The following UCKL1 variants were observed in gnomAD, a reference collection of about 807,000 sequenced individuals.
UCKL1 encodes uridine-cytidine kinase-like 1.
A neutral mutation model predicts 59.2 loss-of-function variants in UCKL1; 65 were observed. The ratio of observed to expected loss-of-function variants is 1.10; its 90% CI spans 0.90 to 1.35. UCKL1 has a LOEUF of 1.35. UCKL1 is among the 40% of genes most tolerant of loss of function. UCKL1 has a pLI of 0.00. For missense variants in UCKL1, 703 were observed against 784.3 expected, an observed-to-expected ratio of 0.90 and a Z score of 1.24; for synonymous variants, 410 against 323.1, an observed-to-expected ratio of 1.27 and a Z score of -2.88.
chr20:63,940,063 AAGGG>A lies in UCKL1; in HGVS notation c.1568-12_1568-9del, dbSNP rs1277650922. 14 of 1,194,652 alleles carry A rather than the reference AAGGG, an allele frequency of 1.2e-5. No homozygotes were observed. Among genetic ancestry groups the A allele is most frequent in the East Asian group, 3.0e-5 (1 of 33,098 alleles). 74.0% of individuals were successfully genotyped at this position (1,194,652 alleles called of 1,614,324 possible). ...AGCGGTCGCCAAAGTTCCCTGGAAAAAGGGGGGGGGGGGTCCAGTGTGGTGGGGC... is the reference window on the plus strand; with the variant it reads ...AGCGGTCGCCAAAGTTCCCTGGAAAAGGGGGGGGGTCCAGTGTGGTGGGGC... On this transcript the variant is annotated splice_polypyrimidine_tract_variant and intron_variant, in intron 14 of 14. Transcript: ENST00000354216.
At chr20:63,952,784 C>A (rs909327564) in intron 1 of UCKL1, among the ~76,000 whole-genome samples, 2 of 152,238 alleles carry the variant, frequency 1.3e-5, no homozygotes, top group African/African-American at 4.8e-5. Context: ...CCATCCTACT[C>A]TGGGCCACAG....
chr20:63,943,998 G>A (rs1176710980), intron 7 of UCKL1, among the ~76,000 whole-genome samples: 1 of 152,222 alleles, frequency 6.6e-6, no homozygotes, highest in Admixed American at 6.5e-5. Flanking sequence ...CCTCTGGTGG[G>A]GGTGTCGCTC....
chr20:63,948,956 G>A lies in UCKL1; in HGVS notation c.114-2313C>T, dbSNP rs552544869. Among the ~76,000 whole-genome samples, 60 of 146,200 alleles carry A rather than the reference G, an allele frequency of 4.1e-4. 1 individual carries two copies. The South Asian group carries it at 0.013, about 30-fold the overall frequency. ...ACCCACAGCCAGGAGGACAGTGTCC[G>A]TGTGCACACACAGGGGGCAGTGGAA... On this transcript the variant is annotated intron_variant, in intron 1 of 14. Transcript: ENST00000354216.
At position 63,945,919 on chromosome 20, in the gene UCKL1, G is replaced by A. The variant is rs1444616560; in HGVS notation, c.468C>T (p.His156=). The part of the protein sequence containing the change: ...QAAHNNFNFD[H]PDAFDFDLII... ...TGAGGTCGAAGTCAAAGGCATCTGG[G>A]TGGTCGAAGTTGAAGTTGTTGTGTG... Residue 156 remains histidine (H), a synonymous_variant, in exon 4 of 15, where the codon CAC becomes CAT. Transcript: ENST00000354216. 3 of 1,613,784 alleles carry A rather than the reference G, an allele frequency of 1.9e-6. No individual in the cohort carries two copies. The highest frequency in any genetic ancestry group is 3.3e-5 in the Admixed American group (2 of 60,004).
rs1397854783 is a variant in UCKL1, at chr20:63,940,837, G to A, written c.1136C>T (p.Pro379Leu). The change falls in exon 11 of 15, where the codon CCG becomes CTG. Residue 379 changes from proline (P) to leucine (L), a missense_variant. Physicochemically the swap from Pro to Leu is moderately conservative, Grantham distance 98. Around this residue, in one of 4 missense-constraint regions of UCKL1, gnomAD observed 156 missense variants for 185.6 expected, o/e 0.84. Coordinates refer to ENST00000354216, the MANE Select transcript of UCKL1 (RefSeq NM_017859.4). ...LPFQDCVVQT[P>L]QGQDYAGKCY... is the part of the protein sequence containing the mutation. ...CTTGCCCGCATAGTCCTGCCCCTGC[G>A]GGGTCTGTACGACGCAGTCCTGTGG... 10 of 1,560,708 alleles carry A rather than the reference G, an allele frequency of 6.4e-6. No homozygotes were observed. Among genetic ancestry groups the A allele is most frequent in the South Asian group, 1.2e-5 (1 of 82,704 alleles).
rs1047991180 is a variant in UCKL1, at chr20:63,944,597, G to A, written c.792C>T (p.Phe264=). ...GCATGGTGGGCTGGATGTACTGGTC[G>A]AAGGAGGGCTTGACAAACTTGTTGT... The part of the protein sequence containing the change: ...KQYNKFVKPS[F]DQYIQPTMRL... Residue 264 remains phenylalanine (F), a synonymous_variant, in exon 6 of 15, where the codon TTC becomes TTT. Transcript: ENST00000354216. 1.9e-6 allele frequency: 3 copies of A among 1,613,112 alleles called. No homozygotes were observed. The highest frequency in any genetic ancestry group is 1.7e-6 in the Non-Finnish European group (2 of 1,179,878).
intron 3 of UCKL1, 40 bp downstream of exon 3, chr20:63,946,121 A>T: frequency 6.2e-7 from 1 of 1,608,958 alleles, no homozygotes; most frequent in Non-Finnish European, 8.5e-7. Context: ...GGTCAGGGAG[A>T]GGACAAAGGG....
intron 1 of UCKL1, among the ~76,000 whole-genome samples, chr20:63,947,919 G>T (rs373041726): frequency 6.6e-6 from 1 of 152,230 alleles, no homozygotes; most frequent in African/African-American, 2.4e-5. Context: ...AAGTGGGCAG[G>T]GGGCCGTGAC....
intron 1 of UCKL1, among the ~76,000 whole-genome samples, chr20:63,948,633 A>G (rs73916673): frequency 1.1e-3 from 4 of 3,536 alleles, no homozygotes; most frequent in Non-Finnish European, 1.6e-3. Flanking sequence ...TGTGAGAGGG[A>G]AGGGGCGTGT....
chr20:63,941,000 T>C lies in UCKL1; in HGVS notation c.1066A>G (p.Arg356Gly). 1 of 1,544,034 alleles carries C rather than the reference T, an allele frequency of 6.5e-7. No individual in the cohort carries two copies. Among genetic ancestry groups the C allele is most frequent in the South Asian group, 1.2e-5 (1 of 82,120 alleles). ...SRDEFIFYSK[R>G]LMRLLIEHAL... is the part of the protein sequence containing the mutation. ...TGCTCGATGAGCAGCCGCATCAGTC[T>C]CTTGGAGTAGAAGATGAACTCGTCG... Residue 356 changes from arginine to glycine, a missense_variant, in exon 10 of 15, where the codon AGA becomes GGA. This residue lies in a region of UCKL1 where 156 missense variants were observed against 185.6 expected (regional missense o/e 0.84). Coordinates refer to ENST00000354216, the MANE Select transcript of UCKL1 (RefSeq NM_017859.4).
chr20:63,947,429 C>A (rs569183503), intron 1 of UCKL1, among the ~76,000 whole-genome samples: 1 of 152,190 alleles, frequency 6.6e-6, no homozygotes, highest in Non-Finnish European at 1.5e-5. Context: ...GACGTGAGGG[C>A]GGCGTGTGGG....
At chr20:63,946,684 C>T (rs977905324) in intron 1 of UCKL1, 41 bp from the exon 2 acceptor site, 2 of 1,584,772 alleles carry the variant, frequency 1.3e-6, no homozygotes, top group African/African-American at 1.3e-5. Context: ...CAGAGCTGCC[C>T]ACCTCCCAGG....
chr20:63,951,042 GT>G, intron 1 of UCKL1: 1 of 1,226,630 alleles, frequency 8.2e-7, no homozygotes, highest in Non-Finnish European at 1.0e-6. Flanking sequence ...GGTGGCTGGG[GT>G]GAGACCCTTG....
chr20:63,956,037 TCCCCG>T, intron 1 of UCKL1: 1 of 425,406 alleles, frequency 2.4e-6, no homozygotes, highest in East Asian at 4.0e-5. Flanking sequence ...CCGGACTCCT[TCCCCG>T]AGCCCCGAGG....
At chr20:63,950,897 G>T (rs540484922) in intron 1 of UCKL1, 2 of 1,421,674 alleles carry the variant, frequency 1.4e-6, no homozygotes, top group African/African-American at 1.5e-5. Context: ...GGGCTCAGGC[G>T]CAGGCAGCCG....
intron 8 of UCKL1, chr20:63,941,601 G>T (rs1350557133): frequency 4.1e-6 from 1 of 243,558 alleles, no homozygotes; most frequent in Non-Finnish European, 9.0e-6. Context: ...CTCCCCGGGG[G>T]AACTAAAGCT....
At chr20:63,954,747 C>T (rs2058278702) in intron 1 of UCKL1, 1 of 152,238 alleles carries the variant, frequency 6.6e-6, no homozygotes, top group African/African-American at 2.4e-5. Context: ...CTGGAGCTTC[C>T]CTCCTGTCCC....
chr20:63,941,496 T>C, intron 8 of UCKL1: 2 of 459,522 alleles, frequency 4.4e-6, no homozygotes, highest in Non-Finnish European at 8.4e-6. Flanking sequence ...GGACCCCTCC[T>C]GCGCTAAGAG....
Position 63,941,142 on chromosome 20 carries a change from C to T in UCKL1, c.990G>A (p.Thr330=), listed in dbSNP as rs1335606966. 3.8e-6 allele frequency: 6 copies of T among 1,593,820 alleles called. No individual in the cohort carries two copies. The highest frequency in any genetic ancestry group is 3.4e-5 in the Admixed American group (2 of 58,242). The change falls in exon 9 of 15, where the codon ACG becomes ACA. Residue 330 remains threonine (T), a synonymous_variant. Coordinates refer to ENST00000354216, the MANE Select transcript of UCKL1 (RefSeq NM_017859.4). ...LPRTLSVLKS[T]PQVRGMHTII... ...TGGTGTGCATGCCCCGTACCTGCGG[C>T]GTGCTCTTCAGGACGCTCAGCGTCC...
Sources: gnomAD v4.1 joint callset for allele counts (sites outside exome capture counted in the v4.1 genomes callset) on GRCh38, gnomAD v4.1.1 for gene constraint, gnomAD v4.1.1 regional missense constraint, MANE v1.5 for transcripts, NCBI Gene and HGNC (gene_info 2026-07-23, HGNC 2026-07-21) for gene names.